The following XKR4 variants were observed in gnomAD, a reference collection of about 807,000 sequenced individuals.
XKR4 encodes the protein XK related 4.
XKR4 carries 12 observed loss-of-function variants against 53.9 expected under a neutral mutation model. The observed-to-expected ratio is 0.22, with a 90% CI of 0.14 to 0.36. The LOEUF is 0.36. XKR4 is among the 10% of genes least tolerant of loss of function. The probability of loss-of-function intolerance (pLI) is 1.00; values close to 1 mark genes in which losing one functional copy is unlikely to be tolerated. For synonymous variants in XKR4, 354 were observed against 362.4 expected (o/e 0.98, Z 0.26); for missense variants, 799 against 859.5 (o/e 0.93, Z 0.88).
intron 1 of XKR4, among the ~76,000 whole-genome samples, chr8:55,154,408 C>T (rs1023109904): frequency 1.3e-5 from 2 of 152,064 alleles, no homozygotes; most frequent in Non-Finnish European, 2.9e-5. Context: ...TGAAGCCTAG[C>T]GAGAGTTGAT....
In XKR4 at chr8:55,315,213, G is replaced by C. The variant is rs116524381; in HGVS notation, c.807-42465G>C. On this transcript the variant is annotated intron_variant, in intron 1 of 2. Transcript: ENST00000327381. ...TTTAGCACTCATTCATGGACCAGCT[G>C]TTGTGTACACAGCACTATTCTGAGC... is the stretch of plus-strand genomic sequence containing the variant. Among the ~76,000 whole-genome samples the C allele has an allele frequency of 2.7e-3, 417 of 152,250 alleles. 3 individuals carry two copies. Among genetic ancestry groups the C allele is most frequent in the African/African-American group, 9.3e-3 (388 of 41,548 alleles).
In XKR4 at chr8:55,525,790, A is replaced by G. The variant is rs545352870; in HGVS notation, c.*1563A>G. 1.3e-5 allele frequency: 2 copies of G among 152,560 alleles called. No individual in the cohort carries two copies. Among genetic ancestry groups the G allele is most frequent in the Non-Finnish European group, 2.9e-5 (2 of 68,036 alleles). 9.5% of individuals were successfully genotyped at this position (152,560 alleles called of 1,614,324 possible). A position where few individuals can be genotyped will look rare whatever the true frequency, so the allele number is the denominator to read the frequency against. The stretch of plus-strand genomic sequence containing the variant: ...TCATCACATTTTTTATAGACCTGGA[A>G]TCGTTTAAAATACTTTAAGCATCAT... On this transcript the variant is annotated 3_prime_UTR_variant, in exon 3 of 3. Transcript: ENST00000327381.
chr8:55,210,741 C>A (rs529203694), intron 1 of XKR4, among the ~76,000 whole-genome samples: 1 of 152,230 alleles, frequency 6.6e-6, no homozygotes, highest in East Asian at 1.9e-4. Context: ...GACAATAGCT[C>A]TTTGCTACAG....
chr8:55,459,624 C>T (rs1005122938), intron 2 of XKR4, among the ~76,000 whole-genome samples: 2 of 151,944 alleles, frequency 1.3e-5, no homozygotes, highest in Non-Finnish European at 2.9e-5. Context: ...TTTGAACAGA[C>T]ATTTCACTAA....
chr8:55,251,856 A>T (rs1818366284), intron 1 of XKR4, among the ~76,000 whole-genome samples: 1 of 152,260 alleles, frequency 6.6e-6, no homozygotes. Context: ...TCTCTAAAAC[A>T]AATACATTAA....
intron 2 of XKR4, among the ~76,000 whole-genome samples, chr8:55,417,069 G>A (rs1804862655): frequency 6.6e-6 from 1 of 152,182 alleles, no homozygotes; most frequent in Admixed American, 6.5e-5. Context: ...GTGGGAGCCA[G>A]GCATCAGAGG....
intron 2 of XKR4, among the ~76,000 whole-genome samples, chr8:55,383,738 G>C (rs1804268131): frequency 6.6e-6 from 1 of 151,860 alleles, no homozygotes; most frequent in Non-Finnish European, 1.5e-5. Context: ...TCTTATATCT[G>C]AGTCTGCTTA....
intron 1 of XKR4, among the ~76,000 whole-genome samples, chr8:55,109,399 G>A (rs1172856427): frequency 1.3e-5 from 2 of 152,144 alleles, no homozygotes; most frequent in Non-Finnish European, 2.9e-5. Flanking sequence ...CACTATAATT[G>A]TGCCACTTTA....
intron 2 of XKR4, among the ~76,000 whole-genome samples, chr8:55,467,616 G>A (rs1805795033): frequency 6.6e-6 from 1 of 152,084 alleles, no homozygotes; most frequent in Non-Finnish European, 1.5e-5. Flanking sequence ...TACTCCACCG[G>A]TAAAGTGCTA....
intron 2 of XKR4, among the ~76,000 whole-genome samples, chr8:55,464,851 C>G (rs1805732757): frequency 6.6e-6 from 1 of 152,122 alleles, no homozygotes; most frequent in Non-Finnish European, 1.5e-5. Flanking sequence ...AACAGACAAA[C>G]AGAGAGCCAA....
chr8:55,444,858 A>G (rs1464352850), intron 2 of XKR4, among the ~76,000 whole-genome samples: 1 of 152,230 alleles, frequency 6.6e-6, no homozygotes, highest in Non-Finnish European at 1.5e-5. Flanking sequence ...GAATTCTTAC[A>G]CACACATCAC....
chr8:55,468,248 G>C (rs943947657), intron 2 of XKR4, among the ~76,000 whole-genome samples: 1 of 152,062 alleles, frequency 6.6e-6, no homozygotes, highest in Non-Finnish European at 1.5e-5. Flanking sequence ...TGACTTGGTC[G>C]TGGGAAATAT....
At chr8:55,249,459 A>G (rs1437685666) in intron 1 of XKR4, among the ~76,000 whole-genome samples, 1 of 152,192 alleles carries the variant, frequency 6.6e-6, no homozygotes, top group East Asian at 1.9e-4. Context: ...GCCAGTTCTC[A>G]TGATCGACCC....
intron 2 of XKR4, among the ~76,000 whole-genome samples, chr8:55,360,426 C>T (rs926285956): frequency 6.6e-6 from 1 of 152,150 alleles, no homozygotes; most frequent in Non-Finnish European, 1.5e-5. Flanking sequence ...AGAGCTGTTC[C>T]CCTTTAGGAA....
chr8:55,297,989 T>C (rs976150899), intron 1 of XKR4, among the ~76,000 whole-genome samples: 1 of 152,214 alleles, frequency 6.6e-6, no homozygotes, highest in African/African-American at 2.4e-5. Context: ...TATTACTTTG[T>C]ATATACTCAG....
At chr8:55,509,703 G>T (rs553032654) in intron 2 of XKR4, among the ~76,000 whole-genome samples, 1 of 152,194 alleles carries the variant, frequency 6.6e-6, no homozygotes, top group Non-Finnish European at 1.5e-5. Context: ...TGGTACTCCT[G>T]AACCTGGAAG....
At chr8:55,305,794 G>GA (rs1215911212) in intron 1 of XKR4, among the ~76,000 whole-genome samples, 1 of 151,966 alleles carries the variant, frequency 6.6e-6, no homozygotes, top group East Asian at 1.9e-4. Flanking sequence ...ATCACTGAAG[G>GA]AAAAATATAT....
At chr8:55,166,514 T>C (rs1817068269) in intron 1 of XKR4, among the ~76,000 whole-genome samples, 1 of 152,238 alleles carries the variant, frequency 6.6e-6, no homozygotes, top group Admixed American at 6.5e-5. Flanking sequence ...GTGTCTGCCT[T>C]AATGGAGCTC....
chr8:55,329,369 A>AT (rs375013758), intron 1 of XKR4, among the ~76,000 whole-genome samples: 49 of 144,468 alleles, frequency 3.4e-4, no homozygotes, highest in Non-Finnish European at 4.4e-4. Flanking sequence ...CAAACATGAG[A>AT]TTTTTTTTTT....
Sources: gnomAD v4.1 joint callset for allele counts (sites outside exome capture counted in the v4.1 genomes callset) on GRCh38, gnomAD v4.1.1 for gene constraint, MANE v1.5 for transcripts, NCBI Gene and HGNC (gene_info 2026-07-23, HGNC 2026-07-21) for gene names.